Variants in FAT3 observed in about 807,000 individuals in gnomAD.
The protein encoded by FAT3 is FAT atypical cadherin 3, also known as protocadherin Fat 3.
In FAT3, 95 loss-of-function variants were observed where a neutral mutation model predicts 310.2. The observed-to-expected ratio is 0.31, with a 90% CI of 0.26 to 0.36. The LOEUF (loss-of-function observed/expected upper bound fraction) is 0.36. Among genes scored for constraint, FAT3 ranks in the 10% least tolerant of loss-of-function variants. The pLI is 1.00. For synonymous variants in FAT3, 2,314 were observed against 2,192.9 expected (o/e 1.06, Z -1.54); for missense variants, 5,408 against 5,715.6 (o/e 0.95, Z 1.74).
In FAT3 at chr11:92,409,676, A is replaced by G. The variant is rs565989720; in HGVS notation, c.3292+54272A>G. On this transcript the variant is annotated intron_variant, in intron 2 of 27. Transcript: ENST00000525166. ...ATTTGGTATTCAAAAGAAACCCTTTATTTTAGGGCATTGAGCACAAAATTA... is the reference window on the plus strand; with the variant it reads ...ATTTGGTATTCAAAAGAAACCCTTTGTTTTAGGGCATTGAGCACAAAATTA... Among the ~76,000 whole-genome samples, 22 of 152,264 alleles carry G rather than the reference A, an allele frequency of 1.4e-4. No homozygotes were observed. In the East Asian group the frequency reaches 3.5e-3, roughly 24 times the overall value.
chr11:92,733,683 G>C (rs1188972504), intron 4 of FAT3, among the ~76,000 whole-genome samples: 2 of 152,140 alleles, frequency 1.3e-5, no homozygotes, highest in Non-Finnish European at 2.9e-5. Flanking sequence ...TGACTTGAGA[G>C]AGAAGATATG....
chr11:92,544,383 T>C (rs920458886), intron 3 of FAT3, among the ~76,000 whole-genome samples: 2 of 152,282 alleles, frequency 1.3e-5, no homozygotes, highest in Non-Finnish European at 2.9e-5. Flanking sequence ...GTTTCTAGTA[T>C]AAAGAAAAGA....
intron 6 of FAT3, among the ~76,000 whole-genome samples, chr11:92,766,053 C>G (rs184927085): frequency 6.6e-6 from 1 of 152,100 alleles, no homozygotes; most frequent in Non-Finnish European, 1.5e-5. Context: ...CAGCCTCCCC[C>G]GCAAGCCGAA....
chr11:92,451,475 G>A (rs952544848), intron 2 of FAT3, among the ~76,000 whole-genome samples: 1 of 152,090 alleles, frequency 6.6e-6, no homozygotes, highest in Non-Finnish European at 1.5e-5. Context: ...TGCACAGTGG[G>A]GTTTGATATG....
At chr11:92,715,822 A>C (rs573144153) in intron 4 of FAT3, among the ~76,000 whole-genome samples, 2 of 152,076 alleles carry the variant, frequency 1.3e-5, no homozygotes, top group South Asian at 4.2e-4. Context: ...GATCAACGTA[A>C]AAGAAGAGAA....
intron 2 of FAT3, among the ~76,000 whole-genome samples, chr11:92,470,949 A>G (rs1951888285): frequency 1.3e-5 from 2 of 152,222 alleles, no homozygotes; most frequent in African/African-American, 2.4e-5. Context: ...AACTAGCAAT[A>G]GCTACATTTA....
chr11:92,574,066 A>G (rs1457133327), intron 3 of FAT3, among the ~76,000 whole-genome samples: 1 of 152,190 alleles, frequency 6.6e-6, no homozygotes, highest in African/African-American at 2.4e-5. Flanking sequence ...GCATCGAAAT[A>G]TCACAAGGGC....
At chr11:92,601,940 G>C (rs1348348585) in intron 3 of FAT3, among the ~76,000 whole-genome samples, 2 of 151,994 alleles carry the variant, frequency 1.3e-5, no homozygotes, top group Non-Finnish European at 2.9e-5. Context: ...TTGGGGCTTT[G>C]GAAGACTGAT....
chr11:92,378,321 C>T (rs1949403117), intron 2 of FAT3, among the ~76,000 whole-genome samples: 1 of 152,126 alleles, frequency 6.6e-6, no homozygotes, highest in Non-Finnish European at 1.5e-5. Flanking sequence ...TAGGCTCATA[C>T]TTCTTATATT....
At chr11:92,266,215 A>G (rs1023063319) in intron 1 of FAT3, among the ~76,000 whole-genome samples, 1 of 152,192 alleles carries the variant, frequency 6.6e-6, no homozygotes, top group Admixed American at 6.5e-5. Flanking sequence ...TTCGAAATTC[A>G]TTGAAGTAGC....
chr11:92,232,687 C>T (rs1170522314), intron 1 of FAT3, among the ~76,000 whole-genome samples: 2 of 106,236 alleles, frequency 1.9e-5, no homozygotes, highest in East Asian at 3.2e-4. Context: ...GATGATGTTG[C>T]TTCTCTCATT....
intron 3 of FAT3, among the ~76,000 whole-genome samples, chr11:92,563,346 A>G (rs1955302580): frequency 6.6e-6 from 1 of 152,186 alleles, no homozygotes; most frequent in Non-Finnish European, 1.5e-5. Context: ...GTGGCCTTCC[A>G]ACTTTTTGAT....
intron 24 of FAT3, among the ~76,000 whole-genome samples, chr11:92,885,430 G>A (rs1024850961): frequency 5.3e-5 from 8 of 152,200 alleles, no homozygotes; most frequent in Non-Finnish European, 7.3e-5. Flanking sequence ...GCTTTGGCAG[G>A]AAGGAGGGTG....
Position 92,507,819 on chromosome 11 carries a change from G to A in FAT3, c.3293-16815G>A, listed in dbSNP as rs141743867. ...TGTGTATATGTGTGCATGTGTATAT[G>A]CCCCTTATAACACACACGCACACCC... On this transcript the variant is annotated intron_variant, in intron 2 of 27. Transcript: ENST00000525166. Among the ~76,000 whole-genome samples the A allele has an allele frequency of 1.4e-3, 215 of 151,800 alleles. 3 individuals carry two copies. Among genetic ancestry groups the A allele is most frequent in the South Asian group, 3.1e-3 (15 of 4,810 alleles).
At chr11:92,445,925 A>G (rs1244970406) in intron 2 of FAT3, among the ~76,000 whole-genome samples, 1 of 152,136 alleles carries the variant, frequency 6.6e-6, no homozygotes, top group East Asian at 1.9e-4. Flanking sequence ...TTCCCTTTCT[A>G]AAACCTGCTG....
At chr11:92,662,242 A>G (rs1277126435) in intron 3 of FAT3, among the ~76,000 whole-genome samples, 3 of 152,218 alleles carry the variant, frequency 2.0e-5, no homozygotes, top group Non-Finnish European at 4.4e-5. Context: ...AGGAGCAGGC[A>G]CAAGTAAGAT....
At chr11:92,306,561 TTTATA>T (rs1947124107) in intron 1 of FAT3, among the ~76,000 whole-genome samples, 1 of 130,880 alleles carries the variant, frequency 7.6e-6, no homozygotes, top group African/African-American at 2.9e-5. Flanking sequence ...GTTATATATA[TTTATA>T]TTATATATTA....
At chr11:92,412,699 G>T in intron 2 of FAT3, among the ~76,000 whole-genome samples, 1 of 33,218 alleles carries the variant, frequency 3.0e-5, no homozygotes, top group Non-Finnish European at 1.0e-4. Flanking sequence ...CTATGATGGT[G>T]GTGATATATA....
Position 92,353,834 on chromosome 11 carries a change from C to G in FAT3, c.1722C>G (p.Asn574Lys), listed in dbSNP as rs552221485. 6.2e-7 allele frequency: 1 copy of G among 1,613,754 alleles called. No individual in the cohort carries two copies. The highest frequency in any genetic ancestry group is 8.5e-7 in the Non-Finnish European group (1 of 1,179,792). Residue 574 changes from asparagine to lysine, a missense_variant, in exon 2 of 28, where the codon AAC (asparagine) becomes AAG (lysine). Around this residue, in one of 5 missense-constraint regions of FAT3, gnomAD observed 4,588 missense variants for 4,809.8 expected, o/e 0.95. Transcript: ENST00000525166. ...TTCGAATAGGAAATGTCAACGACAA[C>G]AGCCCTCTCTTTGAAAAAGTGGCTT... The part of the protein sequence containing the change: ...VTIRIGNVND[N>K]SPLFEKVACQ...
Sources: allele counts gnomAD v4.1 joint callset (sites outside exome capture counted in the v4.1 genomes callset), GRCh38; gene constraint gnomAD v4.1.1; regional missense constraint gnomAD v4.1.1; transcripts MANE v1.5; gene names NCBI Gene and HGNC (gene_info 2026-07-23, HGNC 2026-07-21).